The following STK32B variants were observed in gnomAD, a reference collection of about 807,000 sequenced individuals.
STK32B encodes serine/threonine kinase 32B, also known as serine/threonine-protein kinase 32B.
In STK32B, 43 loss-of-function variants were observed where a neutral mutation model predicts 52.6. The ratio of observed to expected loss-of-function variants is 0.82; its 90% confidence interval spans 0.64 to 1.05. The LOEUF (loss-of-function observed/expected upper bound fraction) is 1.05. STK32B is among the 50% of genes least tolerant of loss of function. The pLI is 0.00. For synonymous variants in STK32B, 238 were observed against 204.3 expected, an observed-to-expected ratio of 1.17 and a Z score of -1.41; for missense variants, 621 against 534.6, an observed-to-expected ratio of 1.16 and a Z score of -1.59.
intron 2 of STK32B, among the ~76,000 whole-genome samples, chr4:5,144,117 C>A (rs1477518804): frequency 6.6e-6 from 1 of 152,092 alleles, no homozygotes; most frequent in Non-Finnish European, 1.5e-5. Flanking sequence ...GGATAGTTAC[C>A]ACCACTGGGA....
At position 5,498,109 on chromosome 4, in the gene STK32B, A is replaced by G. The variant is rs569509395; in HGVS notation, c.1107-836A>G. The stretch of plus-strand genomic sequence containing the variant: ...AAAGTGACTTGACTAACATAACTCA[A>G]GTAGACAGTGTTGAGAGCCAGGATG... On this transcript the variant is annotated intron_variant, in intron 11 of 11. Coordinates refer to ENST00000282908, the MANE Select transcript of STK32B (RefSeq NM_018401.3). Among the ~76,000 whole-genome samples the G allele has an allele frequency of 5.3e-5, 8 of 152,336 alleles. No individual in the cohort carries two copies. The East Asian group carries it at 9.7e-4, about 18-fold the overall frequency.
At chr4:5,377,582 G>A (rs114651697) in intron 4 of STK32B, among the ~76,000 whole-genome samples, 1,754 of 152,174 alleles carry the variant, frequency 0.012, 21 homozygotes, top group South Asian at 0.057. Flanking sequence ...TCTATGTCCC[G>A]ACCCCAATCT....
chr4:5,337,355 C>T (rs1732779074), intron 4 of STK32B, among the ~76,000 whole-genome samples: 1 of 152,086 alleles, frequency 6.6e-6, no homozygotes, highest in Non-Finnish European at 1.5e-5. Context: ...TGAGGGTATA[C>T]ATTTTCCCCA....
At chr4:5,153,506 G>T (rs1717543641) in intron 2 of STK32B, among the ~76,000 whole-genome samples, 1 of 149,372 alleles carries the variant, frequency 6.7e-6, no homozygotes, top group Admixed American at 6.6e-5. Context: ...ACATTCATTG[G>T]TGGAAAAAAA....
At chr4:5,254,571 T>C (rs952384800) in intron 3 of STK32B, among the ~76,000 whole-genome samples, 1 of 152,200 alleles carries the variant, frequency 6.6e-6, no homozygotes, top group African/African-American at 2.4e-5. Context: ...TGCCATGTAT[T>C]CATTATAGGT....
chr4:5,329,286 G>C (rs1439773891), intron 3 of STK32B, among the ~76,000 whole-genome samples: 2 of 152,126 alleles, frequency 1.3e-5, no homozygotes, highest in African/African-American at 4.8e-5. Context: ...TCCATGAGGA[G>C]CAGGGACTGT....
intron 11 of STK32B, among the ~76,000 whole-genome samples, chr4:5,477,052 T>G (rs374679083): frequency 7.2e-5 from 11 of 152,148 alleles, no homozygotes; most frequent in African/African-American, 2.7e-4. Context: ...TCTGTTGTTT[T>G]TAAGCCACCA....
At chr4:5,397,271 G>A (rs1736980072) in intron 4 of STK32B, among the ~76,000 whole-genome samples, 1 of 152,218 alleles carries the variant, frequency 6.6e-6, no homozygotes, top group East Asian at 1.9e-4. Flanking sequence ...TTCGCCAAGT[G>A]TGTACACGTC....
chr4:5,311,183 C>G (rs1448526472), intron 3 of STK32B, among the ~76,000 whole-genome samples: 1 of 152,094 alleles, frequency 6.6e-6, no homozygotes, highest in Non-Finnish European at 1.5e-5. Flanking sequence ...CTTTAGTTAA[C>G]AACAATTTAT....
At chr4:5,328,349 T>C (rs185408467) in intron 3 of STK32B, among the ~76,000 whole-genome samples, 365 of 152,378 alleles carry the variant, frequency 2.4e-3, no homozygotes, top group African/African-American at 8.6e-3. Context: ...CATGTCTTTC[T>C]CATTAGGCTT....
intron 1 of STK32B, among the ~76,000 whole-genome samples, chr4:5,096,839 C>T (rs6838792): frequency 0.35 from 53,508 of 151,988 alleles, 9,918 homozygotes; most frequent in Middle Eastern, 0.45. Context: ...TAACTAAGAT[C>T]GATTTCCATG....
chr4:5,495,876 G>A (rs986216305), intron 11 of STK32B, among the ~76,000 whole-genome samples: 1 of 152,172 alleles, frequency 6.6e-6, no homozygotes, highest in Non-Finnish European at 1.5e-5. Context: ...CAGCAGTGGT[G>A]GCTGCAGAAC....
At chr4:5,325,298 A>G (rs969632811) in intron 3 of STK32B, among the ~76,000 whole-genome samples, 1 of 150,524 alleles carries the variant, frequency 6.6e-6, no homozygotes, top group Non-Finnish European at 1.5e-5. Context: ...TTTCAGTACC[A>G]GGACAAAAAT....
chr4:5,322,873 G>T (rs1412361081), intron 3 of STK32B, among the ~76,000 whole-genome samples: 2 of 152,180 alleles, frequency 1.3e-5, no homozygotes, highest in Admixed American at 6.5e-5. Context: ...ATGTGTTCAC[G>T]TGTATTTCAT....
intron 1 of STK32B, among the ~76,000 whole-genome samples, chr4:5,068,349 C>T (rs1156624277): frequency 6.6e-6 from 1 of 152,142 alleles, no homozygotes; most frequent in East Asian, 1.9e-4. Flanking sequence ...CCTTAGCTCC[C>T]ACTTATAAGT....
chr4:5,405,580 C>T (rs553014524), intron 5 of STK32B, among the ~76,000 whole-genome samples: 3 of 152,200 alleles, frequency 2.0e-5, no homozygotes, highest in South Asian at 2.1e-4. Context: ...CTCACAATTC[C>T]ACAGGCTGTT....
intron 5 of STK32B, among the ~76,000 whole-genome samples, chr4:5,410,020 G>C (rs535826997): frequency 1.3e-5 from 2 of 152,260 alleles, no homozygotes; most frequent in African/African-American, 4.8e-5. Context: ...TTTTACCATT[G>C]TCCTGTGATA....
intron 2 of STK32B, among the ~76,000 whole-genome samples, chr4:5,143,590 T>A (rs1716672081): frequency 6.6e-6 from 1 of 152,188 alleles, no homozygotes; most frequent in Admixed American, 6.5e-5. Context: ...TCCTGCAGAC[T>A]GATAAACAGA....
At chr4:5,050,143 C>G (rs1175280622), upstream of STK32B, among the ~76,000 whole-genome samples, 1 of 152,146 alleles carries the variant, frequency 6.6e-6, no homozygotes, top group Non-Finnish European at 1.5e-5. Flanking sequence ...TGCACACTGG[C>G]TACTCAGTGT....
Sources: allele counts gnomAD v4.1 joint callset (sites outside exome capture counted in the v4.1 genomes callset), GRCh38; gene constraint gnomAD v4.1.1; transcripts MANE v1.5; gene names NCBI Gene and HGNC (gene_info 2026-07-23, HGNC 2026-07-21).